Variants in NPAS2 observed in about 807,000 individuals in gnomAD.
NPAS2 encodes the protein neuronal PAS domain protein 2.
A neutral mutation model predicts 107.5 loss-of-function variants in NPAS2; 23 were observed. The observed-to-expected ratio is 0.21, with a 90% CI of 0.15 to 0.30. The LOEUF (loss-of-function observed/expected upper bound fraction) is 0.30, where lower values mean the gene tolerates loss of function less well. NPAS2 is among the 10% of genes least tolerant of loss of function. The probability of loss-of-function intolerance (pLI) is 1.00; values close to 1 mark genes in which losing one functional copy is unlikely to be tolerated. For synonymous variants in NPAS2, 403 were observed against 417.5 expected, an observed-to-expected ratio of 0.97 and a Z score of 0.42; for missense variants, 756 against 1,043.3, an observed-to-expected ratio of 0.72 and a Z score of 3.79.
chr2:100,895,611 C>G (rs1159135512), intron 1 of NPAS2, among the ~76,000 whole-genome samples: 1 of 152,176 alleles, frequency 6.6e-6, no homozygotes, highest in Admixed American at 6.5e-5. Flanking sequence ...TTCCAGCCCT[C>G]CTCCCCGCCC....
At chr2:100,818,890 A>ACGC (rs1028586176), upstream of NPAS2, among the ~76,000 whole-genome samples, 5 of 152,118 alleles carry the variant, frequency 3.3e-5, no homozygotes, top group Non-Finnish European at 5.9e-5. Flanking sequence ...CCCGCTGTGA[A>ACGC]CGCCGCCGCC....
At chr2:100,966,110 T>C (rs536203709) in intron 10 of NPAS2, among the ~76,000 whole-genome samples, 1 of 152,300 alleles carries the variant, frequency 6.6e-6, no homozygotes, top group Non-Finnish European at 1.5e-5. Context: ...TTCTCATAAC[T>C]GTTCTTTCAT....
chr2:100,983,040 TATA>T (rs1201623278), intron 16 of NPAS2: 1 of 152,402 alleles, frequency 6.6e-6, no homozygotes, highest in African/African-American at 2.4e-5. Flanking sequence ...TTTAATAATA[TATA>T]ATGTTTTACT....
At chr2:100,837,042 C>G (rs919553363) in intron 1 of NPAS2, among the ~76,000 whole-genome samples, 1 of 152,010 alleles carries the variant, frequency 6.6e-6, no homozygotes, top group Non-Finnish European at 1.5e-5. Context: ...TAAATTACAT[C>G]GCTTACAGAC....
chr2:100,932,223 A>G (rs1684004096), intron 3 of NPAS2, among the ~76,000 whole-genome samples: 1 of 152,262 alleles, frequency 6.6e-6, no homozygotes, highest in Non-Finnish European at 1.5e-5. Context: ...TTCTTTAAAA[A>G]TGCAGAAGAA....
intron 19 of NPAS2, 85 bp from the exon 20 acceptor site, chr2:100,993,262 G>GT: frequency 7.4e-7 from 1 of 1,342,990 alleles, no homozygotes; most frequent in South Asian, 1.5e-5. Flanking sequence ...CAACTTATTT[G>GT]TTTTTTCTTT....
chr2:100,844,036 G>A (rs62156099), intron 1 of NPAS2, among the ~76,000 whole-genome samples: 36,041 of 152,118 alleles, frequency 0.24, 5,800 homozygotes, highest in Non-Finnish European at 0.34. Flanking sequence ...CCCTGATAGG[G>A]CCGGGCTGCC....
At position 100,995,529 on chromosome 2, in the gene NPAS2, C is replaced by A. The variant is rs1472754553; in HGVS notation, c.2422C>A (p.Arg808=). 1 of 1,612,742 alleles carries A rather than the reference C, an allele frequency of 6.2e-7. No individual in the cohort carries two copies. Among genetic ancestry groups the A allele is most frequent in the Admixed American group, 1.7e-5 (1 of 59,924 alleles). Reference sequence around the variant, plus strand: ...ACAGCCCCAGCCCCTACGTCCTCCCCGAAGGGTCAGCAGTCTGTCTGAGTC... The same window carrying A: ...ACAGCCCCAGCCCCTACGTCCTCCCAGAAGGGTCAGCAGTCTGTCTGAGTC... ...PAQPQPLRPP[R]RVSSLSESSG... The change falls in exon 21 of 21, where the codon CGA becomes AGA. Residue 808 remains arginine (R), a synonymous_variant. Coordinates refer to ENST00000335681, the MANE Select transcript of NPAS2 (RefSeq NM_002518.4).
chr2:100,904,840 G>A, intron 2 of NPAS2, 54 bp downstream of exon 2: 1 of 1,358,222 alleles, frequency 7.4e-7, no homozygotes, highest in Non-Finnish European at 1.0e-6. Context: ...CCGGGGGTCT[G>A]CCTGGCAGAA....
intron 16 of NPAS2, chr2:100,986,038 G>A (rs1330688821): frequency 6.6e-6 from 1 of 152,226 alleles, no homozygotes; most frequent in Non-Finnish European, 1.5e-5. Context: ...GTTGCCCTAT[G>A]TGCTATAAAT....
At chr2:100,836,092 A>G (rs1428276815) in intron 1 of NPAS2, among the ~76,000 whole-genome samples, 2 of 152,228 alleles carry the variant, frequency 1.3e-5, no homozygotes, top group Non-Finnish European at 2.9e-5. Context: ...CAGAGATGCC[A>G]GGCTCTCTTT....
chr2:100,945,483 GCT>G (rs887082234), intron 5 of NPAS2, among the ~76,000 whole-genome samples: 1 of 152,210 alleles, frequency 6.6e-6, no homozygotes, highest in Non-Finnish European at 1.5e-5. Context: ...GACTTCCAGT[GCT>G]CTCTCCTTCC....
intron 2 of NPAS2, among the ~76,000 whole-genome samples, chr2:100,923,714 G>T (rs934540759): frequency 6.6e-6 from 1 of 152,176 alleles, no homozygotes; most frequent in Non-Finnish European, 1.5e-5. Context: ...CTCTCTCAGA[G>T]AGTTGACTTC....
At chr2:100,963,522 C>A (rs1202504722) in intron 7 of NPAS2, among the ~76,000 whole-genome samples, 1 of 152,116 alleles carries the variant, frequency 6.6e-6, no homozygotes, top group East Asian at 1.9e-4. Flanking sequence ...TCTCAGCCTC[C>A]CAAGCAGTTG....
intron 2 of NPAS2, among the ~76,000 whole-genome samples, chr2:100,908,041 C>T (rs978234007): frequency 1.3e-5 from 2 of 152,030 alleles, no homozygotes; most frequent in African/African-American, 4.8e-5. Flanking sequence ...TGTGCACGTG[C>T]ATGCGCGTGC....
rs193196909 is a variant in NPAS2, at chr2:100,841,271, C to G, written c.-23+20857C>G. Among the ~76,000 whole-genome samples, 580 of 152,216 alleles carry G rather than the reference C, an allele frequency of 3.8e-3. 2 individuals are homozygous for G. Among genetic ancestry groups the G allele is most frequent in the Non-Finnish European group, 6.1e-3 (412 of 68,014 alleles). The stretch of plus-strand genomic sequence containing the variant: ...CCAACATGGCAAAACTCTTTCTCTA[C>G]TAAAAATACAAAAAAAATTAGCCAG... On this transcript the variant is annotated intron_variant, in intron 1 of 20. Transcript: ENST00000335681.
At chr2:100,897,155 G>A (rs1681464169) in intron 1 of NPAS2, among the ~76,000 whole-genome samples, 1 of 151,864 alleles carries the variant, frequency 6.6e-6, no homozygotes, top group Non-Finnish European at 1.5e-5. Flanking sequence ...TAGCATGAGG[G>A]TAACTGCCCC....
At position 100,904,711 on chromosome 2, in the gene NPAS2, ATTTTTTTTT is replaced by A; in HGVS notation, c.-22-13_-22-5del. The A allele has an allele frequency of 1.6e-6, 2 of 1,267,318 alleles. No individual in the cohort carries two copies. The highest frequency in any genetic ancestry group is 2.7e-5 in the South Asian group (2 of 73,534). The allele number at this position is 1,267,318 out of a possible 1,614,324, so 78.5% of individuals were successfully genotyped here. A position where few individuals can be genotyped will look rare whatever the true frequency, so the allele number is the denominator to read the frequency against. ...AGACAGTAATTATCCATTCTTTTTA[ATTTTTTTTT>A]TTTTTTTTGCAGGAAAAACTGCATA... On this transcript the variant is annotated splice_polypyrimidine_tract_variant and intron_variant, in intron 1 of 20. Coordinates refer to ENST00000335681, the MANE Select transcript of NPAS2 (RefSeq NM_002518.4).
At chr2:100,855,197 T>C (rs1678478959) in intron 1 of NPAS2, among the ~76,000 whole-genome samples, 1 of 152,216 alleles carries the variant, frequency 6.6e-6, no homozygotes, top group South Asian at 2.1e-4. Flanking sequence ...GTATTAATCC[T>C]TAAGTCACTA....
Sources: allele counts gnomAD v4.1 joint callset (sites outside exome capture counted in the v4.1 genomes callset), GRCh38; gene constraint gnomAD v4.1.1; transcripts MANE v1.5; gene names NCBI Gene and HGNC (gene_info 2026-07-23, HGNC 2026-07-21).